DMD: variants seen among roughly 807,000 people sequenced by gnomAD.
DMD encodes dystrophin, also known as mutant dystrophin.
DMD carries 63 observed loss-of-function variants against 330.1 expected under a neutral mutation model. The ratio of observed to expected loss-of-function variants is 0.19; its 90% CI spans 0.16 to 0.24. The LOEUF (loss-of-function observed/expected upper bound fraction) is 0.24. Among genes scored for constraint, DMD ranks in the 10% least tolerant of loss-of-function variants. The pLI is 1.00. For missense variants in DMD, 3,344 were observed against 2,684.1 expected, an observed-to-expected ratio of 1.25 and a Z score of -5.43; for synonymous variants, 1,223 against 959.8, an observed-to-expected ratio of 1.27 and a Z score of -5.07.
In DMD at chrX:31,514,224, C is replaced by T. The variant is rs1035389744; in HGVS notation, c.8218-6771G>A. 3.0e-4 allele frequency among the ~76,000 whole-genome samples: 33 copies of T among 111,601 alleles called. 1 individual carries two copies. Among genetic ancestry groups the T allele is most frequent in the Admixed American group, 2.2e-3 (23 of 10,507 alleles). ...AAGTAATTGAGAAAATGGGTGCAAA[C>T]GAAACAAATAATGTGTGTCCCCATA... is the stretch of plus-strand genomic sequence containing the variant. On this transcript the variant is annotated intron_variant, in intron 55 of 78. Coordinates refer to ENST00000357033, the MANE Select transcript of DMD (RefSeq NM_004006.3).
chrX:32,651,555 G>T (rs191301228), intron 9 of DMD, among the ~76,000 whole-genome samples: 226 of 112,034 alleles, frequency 2.0e-3, no homozygotes, highest in Non-Finnish European at 3.5e-3. Context: ...ACGTTGCTGA[G>T]TAGGAAATCA....
At chrX:32,662,326 A>G (rs1215634861) in intron 9 of DMD, among the ~76,000 whole-genome samples, 5 of 111,957 alleles carry the variant, frequency 4.5e-5, no homozygotes, top group Admixed American at 1.9e-4. Flanking sequence ...AATTAAAATT[A>G]TGCAAATTGA....
At chrX:32,190,072 C>T (rs1490714930) in intron 44 of DMD, among the ~76,000 whole-genome samples, 3 of 110,452 alleles carry the variant, frequency 2.7e-5, no homozygotes, top group Non-Finnish European at 3.8e-5. Flanking sequence ...CCCCAAGGGA[C>T]ATTTGGAAAT....
chrX:31,453,779 A>AAAAAAAAAAAAAAC (rs1569543804), intron 59 of DMD, among the ~76,000 whole-genome samples: 8 of 104,203 alleles, frequency 7.7e-5, no homozygotes, highest in Non-Finnish European at 1.4e-4. Context: ...AAAAAAAAAA[A>AAAAAAAAAAAAAAC]AAAAAAAAAA....
chrX:31,448,777 T>C lies in DMD; in HGVS notation c.8938-4150A>G, dbSNP rs997003855. Among the ~76,000 whole-genome samples the C allele has an allele frequency of 2.7e-5, 3 of 112,052 alleles. No individual in the cohort carries two copies. In the East Asian group the frequency reaches 8.4e-4, roughly 31 times the overall value. On this transcript the variant is annotated intron_variant, in intron 59 of 78. Coordinates refer to ENST00000357033, the MANE Select transcript of DMD (RefSeq NM_004006.3). The stretch of plus-strand genomic sequence containing the variant: ...CCATGAAAGAGCAAACCAAGTCTAA[T>C]TTTATTATGACTAGTTTCTCACAGG...
chrX:31,959,394 G>C (rs898536800), intron 45 of DMD, among the ~76,000 whole-genome samples: 2 of 111,557 alleles, frequency 1.8e-5, no homozygotes, highest in Non-Finnish European at 3.8e-5. Context: ...ACTTGATTAG[G>C]GTAAGTGGAT....
chrX:31,899,337 C>CTT (rs34334572), intron 47 of DMD, among the ~76,000 whole-genome samples: 67 of 99,803 alleles, frequency 6.7e-4, no homozygotes, highest in African/African-American at 1.5e-3. Flanking sequence ...GAAGAACAGG[C>CTT]TTTTTTTTTT....
chrX:31,478,496 CT>C (rs1385974334), intron 58 of DMD, 122 bp from the exon 59 acceptor site: 1 of 927,835 alleles, frequency 1.1e-6, no homozygotes, highest in Admixed American at 2.7e-5. Flanking sequence ...TGATTAACGG[CT>C]TTTTTATACT....
intron 42 of DMD, among the ~76,000 whole-genome samples, chrX:32,295,610 C>T (rs758409105): frequency 1.8e-5 from 2 of 112,269 alleles, no homozygotes; most frequent in Admixed American, 9.4e-5. Context: ...CATAAAAATG[C>T]TTTGTTTATT....
At position 31,409,944 on chromosome X, in the gene DMD, G is replaced by A. The variant is rs148121450; in HGVS notation, c.9084+34537C>T. On this transcript the variant is annotated intron_variant, in intron 60 of 78. Transcript: ENST00000357033. ...AGAGATTGTCCTGCCTCAGCCTCCC[G>A]AGTAGCTGGGATTACAGGCGCCCGC... Among the ~76,000 whole-genome samples the A allele has an allele frequency of 8.2e-3, 910 of 110,872 alleles. 9 individuals carry two copies. Among genetic ancestry groups the A allele is most frequent in the African/African-American group, 0.028 (865 of 30,452 alleles).
intron 9 of DMD, among the ~76,000 whole-genome samples, chrX:32,690,693 A>G (rs994618086): frequency 3.6e-5 from 4 of 111,610 alleles, no homozygotes; most frequent in African/African-American, 6.5e-5. Flanking sequence ...ATCTACACAT[A>G]TAGGGTTAAC....
At chrX:32,463,330 G>A (rs1269280895) in intron 25 of DMD, 109 bp downstream of exon 25, 7 of 728,976 alleles carry the variant, frequency 9.6e-6, no homozygotes, top group Non-Finnish European at 1.1e-5. Context: ...GTGCTTTAAA[G>A]CAAAAACATA....
At chrX:32,517,489 C>T (rs1033582126) in intron 18 of DMD, 1 of 112,695 alleles carries the variant, frequency 8.9e-6, no homozygotes, top group African/African-American at 3.2e-5. Flanking sequence ...AGGCTGGACA[C>T]CTTTTAGATA....
intron 47 of DMD, among the ~76,000 whole-genome samples, chrX:31,909,092 A>T (rs777354897): frequency 6.2e-5 from 7 of 112,556 alleles, no homozygotes; most frequent in African/African-American, 1.3e-4. Flanking sequence ...CTAAAAAATC[A>T]AGTCAAAGCA....
chrX:31,433,726 T>C (rs2064257264), intron 60 of DMD, among the ~76,000 whole-genome samples: 1 of 111,786 alleles, frequency 8.9e-6, no homozygotes, highest in Non-Finnish European at 1.9e-5. Context: ...CCCAAAGTGC[T>C]GGGATCACAG....
intron 52 of DMD, among the ~76,000 whole-genome samples, chrX:31,700,964 G>A (rs1459279036): frequency 1.8e-5 from 2 of 111,744 alleles, no homozygotes; most frequent in African/African-American, 3.3e-5. Flanking sequence ...CTAATTAAGT[G>A]CCAAATGTAG....
intron 52 of DMD, among the ~76,000 whole-genome samples, chrX:31,716,116 ACG>A (rs1366881163): frequency 8.9e-6 from 1 of 112,641 alleles, no homozygotes; most frequent in Non-Finnish European, 1.9e-5. Flanking sequence ...AGACACAACA[ACG>A]TTGAAATTCC....
At chrX:32,980,253 C>G (rs1371449707) in intron 2 of DMD, among the ~76,000 whole-genome samples, 1 of 106,043 alleles carries the variant, frequency 9.4e-6, no homozygotes, top group Non-Finnish European at 1.9e-5. Context: ...GTAATCCCAG[C>G]TACTCGGGAG....
At chrX:31,223,385 TC>T (rs1262737805) in intron 63 of DMD, among the ~76,000 whole-genome samples, 1 of 112,414 alleles carries the variant, frequency 8.9e-6, no homozygotes, top group Non-Finnish European at 1.9e-5. Flanking sequence ...ATTCATGTAG[TC>T]CTGTTCCCAA....
Sources: allele counts gnomAD v4.1 joint callset (sites outside exome capture counted in the v4.1 genomes callset), GRCh38; gene constraint gnomAD v4.1.1; transcripts MANE v1.5; gene names NCBI Gene and HGNC (gene_info 2026-07-23, HGNC 2026-07-21).